Variants in SLC5A10 observed in about 807,000 individuals in gnomAD.
SLC5A10 encodes the protein solute carrier family 5 member 10.
Under a neutral mutation model 68.9 loss-of-function variants are expected in SLC5A10, and 55 were observed. The observed-to-expected ratio is 0.80, with a 90% CI of 0.64 to 1.00. The LOEUF is 1.00. Ranked by LOEUF, SLC5A10 falls within the 50% of genes least tolerant of loss-of-function variation. The pLI, the probability that SLC5A10 is intolerant of heterozygous loss-of-function variation, is 0.00. For missense variants in SLC5A10, 732 were observed against 819.3 expected, an observed-to-expected ratio of 0.89 and a Z score of 1.30; for synonymous variants, 344 against 344.8, an observed-to-expected ratio of 1.00 and a Z score of 0.02.
rs550980816 is a variant in SLC5A10 at position 19,017,827 on chromosome 17, T to A, written c.1242-1596T>A. 2.6e-4 allele frequency: 41 copies of A among 157,354 alleles called. No homozygotes were observed. The highest frequency in any genetic ancestry group is 3.2e-3 in the Middle Eastern group (1 of 308). 9.7% of individuals were successfully genotyped at this position (157,354 alleles called of 1,614,324 possible). On this transcript the variant is annotated intron_variant, in intron 11 of 14. Coordinates refer to ENST00000395645, the MANE Select transcript of SLC5A10 (RefSeq NM_001042450.4). The surrounding 1 kb of genome is among the most constrained non-coding windows in gnomAD (Gnocchi z 5.6). ...TGCTGGAGGGCACTATCCACCCTGATGGTGGCATGGGAGGGAGTGGCATTC... is the reference window on the plus strand; with the variant it reads ...TGCTGGAGGGCACTATCCACCCTGAAGGTGGCATGGGAGGGAGTGGCATTC...
At chr17:19,001,131 G>T (rs2043719693) in intron 9 of SLC5A10, among the ~76,000 whole-genome samples, 1 of 152,204 alleles carries the variant, frequency 6.6e-6, no homozygotes, top group African/African-American at 2.4e-5. Flanking sequence ...CACTAGCTGA[G>T]ATTATAAAGC....
In SLC5A10 at chr17:19,018,200, T is replaced by TA. The variant is rs763112498; in HGVS notation, c.1242-1222dup. ...AGAGGACCCACCCTAGCTGAACACA[T>TA]AGCCTCTGTCACCCCTGCCACCACA... On this transcript the variant is annotated intron_variant, in intron 11 of 14. Transcript: ENST00000395645. The surrounding 1 kb of genome is among the most constrained non-coding windows in gnomAD (Gnocchi z 4.2). 7.2e-5 allele frequency: 11 copies of TA among 152,272 alleles called. No individual in the cohort carries two copies. Among genetic ancestry groups the TA allele is most frequent in the Non-Finnish European group, 1.5e-4 (10 of 68,120 alleles). 9.4% of individuals were successfully genotyped at this position (152,272 alleles called of 1,614,324 possible).
chr17:19,004,442 G>C lies in SLC5A10; in HGVS notation c.983-8968G>C, dbSNP rs561838265. 6.6e-6 allele frequency among the ~76,000 whole-genome samples: 1 copy of C among 152,176 alleles called. No individual in the cohort carries two copies. The highest frequency in any genetic ancestry group is 2.4e-5 in the African/African-American group (1 of 41,452). On this transcript the variant is annotated intron_variant, in intron 9 of 14. Transcript: ENST00000395645. The surrounding 1 kb of genome is among the most constrained non-coding windows in gnomAD (Gnocchi z 5.4). Reference sequence around the variant, plus strand: ...ATTTCCGGAGCTGCCTGAAGTCCTCGCAACTTCTGAGGGAAACTAGGGCAG... The same window carrying C: ...ATTTCCGGAGCTGCCTGAAGTCCTCCCAACTTCTGAGGGAAACTAGGGCAG...
At chr17:18,979,649 C>T (rs2043078928) in intron 9 of SLC5A10, 1 of 1,613,476 alleles carries the variant, frequency 6.2e-7, no homozygotes, top group Non-Finnish European at 8.5e-7. Context: ...AACTCAGTTC[C>T]CCCGCTGCTC....
upstream of SLC5A10, chr17:18,952,127 C>A: frequency 1.6e-5 from 24 of 1,530,338 alleles, no homozygotes; most frequent in East Asian, 2.4e-5. Context: ...TCAATGAGCT[C>A]CCTGCCAGGA....
rs1360785298 is a variant in SLC5A10 at position 19,013,701 on chromosome 17, C to T, written c.1090+184C>T. On this transcript the variant is annotated intron_variant, in intron 10 of 14. Transcript: ENST00000395645. The stretch of plus-strand genomic sequence containing the variant: ...ATAATGGCATCTACCCACCCCTCAG[C>T]GTTGTTGCTGGGATTAAACATAATG... Among the ~76,000 whole-genome samples, 6 of 83,106 alleles carry T rather than the reference C, an allele frequency of 7.2e-5. No individual in the cohort carries two copies. The East Asian group carries it at 1.2e-3, about 17-fold the overall frequency. The allele number at this position is 83,106 out of a possible 152,430, so 54.5% of individuals were successfully genotyped here.
chr17:18,979,633 G>A (rs779272090), intron 9 of SLC5A10: 22 of 1,613,388 alleles, frequency 1.4e-5, no homozygotes, highest in Admixed American at 1.3e-4. Context: ...TGCCGACCGC[G>A]TGAAGAACTC....
chr17:19,012,415 G>A (rs2044033629), intron 9 of SLC5A10, among the ~76,000 whole-genome samples: 1 of 152,246 alleles, frequency 6.6e-6, no homozygotes, highest in Non-Finnish European at 1.5e-5. Context: ...TGAGCCGTGT[G>A]TACCACCCCA....
At chr17:18,959,359 G>C in intron 3 of SLC5A10, 120 bp downstream of exon 3, 1 of 1,093,336 alleles carries the variant, frequency 9.1e-7, no homozygotes, top group Non-Finnish European at 1.3e-6. Context: ...GCTCTGTGCA[G>C]TGCTGTTCCT....
intron 9 of SLC5A10, among the ~76,000 whole-genome samples, chr17:18,981,552 T>C (rs1194488154): frequency 6.6e-6 from 1 of 152,114 alleles, no homozygotes; most frequent in Admixed American, 6.5e-5. Context: ...AGAGCAGAGC[T>C]GCCCGCCATG....
intron 8 of SLC5A10, among the ~76,000 whole-genome samples, chr17:18,972,286 T>G (rs2042874157): frequency 6.6e-6 from 1 of 152,140 alleles, no homozygotes; most frequent in African/African-American, 2.4e-5. Flanking sequence ...TGTCCATGCC[T>G]CTGGACCCAG....
chr17:19,019,121 G>A, intron 11 of SLC5A10: 2 of 381,356 alleles, frequency 5.2e-6, no homozygotes, highest in Non-Finnish European at 9.4e-6. Context: ...TTGAAGGAGA[G>A]ACAAGAGGGA....
intron 9 of SLC5A10, among the ~76,000 whole-genome samples, chr17:18,982,565 C>T (rs973729442): frequency 6.6e-6 from 1 of 152,210 alleles, no homozygotes; most frequent in African/African-American, 2.4e-5. Context: ...TAAGAGAGGA[C>T]GTCAAGGGCG....
chr17:18,956,107 T>C (rs544072298), intron 1 of SLC5A10, among the ~76,000 whole-genome samples: 2 of 152,116 alleles, frequency 1.3e-5, no homozygotes, highest in Admixed American at 1.3e-4. Flanking sequence ...GGCAGGAGAA[T>C]CGCTTGAACC....
In SLC5A10 at chr17:18,979,490, A is replaced by AAGCCAGTTGGG. The variant is rs1211864425; in HGVS notation, c.982+2508_982+2518dup. On this transcript the variant is annotated intron_variant, in intron 9 of 14. Transcript: ENST00000395645. ...TAACCAGGGTTAGGATTAAGGGCAG[A>AAGCCAGTTGGG]AGCCAGTTGGGAGCCAGAGGTACCT... The AAGCCAGTTGGG allele has an allele frequency of 5.0e-6, 8 of 1,596,680 alleles. No individual in the cohort carries two copies. In the African/African-American group the frequency reaches 1.1e-4, roughly 21 times the overall value.
At chr17:19,019,267 C>A (rs2044206365) in intron 11 of SLC5A10, 156 bp from the exon 12 acceptor site, 2 of 874,140 alleles carry the variant, frequency 2.3e-6, no homozygotes, top group Admixed American at 2.8e-5. Flanking sequence ...GCAGGACTGG[C>A]CAGGTCACTG....
intron 5 of SLC5A10, among the ~76,000 whole-genome samples, chr17:18,963,828 C>T (rs1172708336): frequency 1.3e-5 from 2 of 152,218 alleles, no homozygotes; most frequent in Non-Finnish European, 2.9e-5. Context: ...GGGGCTCTAG[C>T]CAGTCATTTA....
rs551360252 is a variant in SLC5A10 at position 18,981,189 on chromosome 17, G to C, written c.982+4200G>C. Among the ~76,000 whole-genome samples, 8 of 152,328 alleles carry C rather than the reference G, an allele frequency of 5.3e-5. No homozygotes were observed. The South Asian group carries it at 1.7e-3, about 32-fold the overall frequency. On this transcript the variant is annotated intron_variant, in intron 9 of 14. Coordinates refer to ENST00000395645, the MANE Select transcript of SLC5A10 (RefSeq NM_001042450.4). The stretch of plus-strand genomic sequence containing the variant: ...GCCCAGGATCGCAGAGGAGTAGCCT[G>C]AAGTGTGAAGGGCTGGCCGGGAGGC...
Position 19,020,377 on chromosome 17 carries a change from C to T in SLC5A10, c.1737C>T (p.Phe579=), listed in dbSNP as rs1597922628. ...CCTTCTGGGCCCGTGTCTGTGGCTT[C>T]AATGCCATCCTCCTCATGTGTGTCA... is the stretch of plus-strand genomic sequence containing the variant. ...KHAFWARVCG[F]NAILLMCVNI... Residue 579 remains phenylalanine (F), a synonymous_variant, in exon 15 of 15, where the codon TTC becomes TTT. Coordinates refer to ENST00000395645, the MANE Select transcript of SLC5A10 (RefSeq NM_001042450.4). 1.2e-6 allele frequency: 2 copies of T among 1,614,122 alleles called. No homozygotes were observed. The highest frequency in any genetic ancestry group is 2.2e-5 in the East Asian group (1 of 44,874).
Sources: allele counts gnomAD v4.1 joint callset (sites outside exome capture counted in the v4.1 genomes callset), GRCh38; gene constraint gnomAD v4.1.1; non-coding constraint Gnocchi (gnomAD v3.1); transcripts MANE v1.5; gene names NCBI Gene and HGNC (gene_info 2026-07-23, HGNC 2026-07-21).